Variants in LDB2 observed in about 807,000 individuals in gnomAD.
LDB2 encodes LIM domain-binding protein 2.
LDB2 carries 12 observed loss-of-function variants against 44.3 expected under a neutral mutation model. The ratio of observed to expected loss-of-function variants is 0.27; its 90% CI spans 0.17 to 0.44. LDB2 has a LOEUF of 0.44. Ranked by LOEUF, LDB2 falls within the 20% of genes least tolerant of loss-of-function variation. The probability of loss-of-function intolerance (pLI) is 1.00; values close to 1 mark genes in which losing one functional copy is unlikely to be tolerated. For synonymous variants in LDB2, 164 were observed against 174.8 expected (o/e 0.94, Z 0.49); for missense variants, 344 against 473.5 (o/e 0.73, Z 2.54).
In LDB2 at chr4:16,818,799, G is replaced by C. The variant is rs558600629; in HGVS notation, c.133-59539C>G. On this transcript the variant is annotated intron_variant, in intron 1 of 7. Coordinates refer to ENST00000304523, the MANE Select transcript of LDB2 (RefSeq NM_001290.5). ...AACTGTAGTTTCTTCTTATTGTATA[G>C]GACCATTGATGGGGATAAAGACAGT... 2.0e-5 allele frequency among the ~76,000 whole-genome samples: 3 copies of C among 152,248 alleles called. No homozygotes were observed. In the South Asian group the frequency reaches 6.2e-4, roughly 32 times the overall value.
At chr4:16,674,977 T>C (rs1017724912) in intron 2 of LDB2, among the ~76,000 whole-genome samples, 58 of 152,306 alleles carry the variant, frequency 3.8e-4, no homozygotes, top group South Asian at 1.0e-3. Flanking sequence ...TTTACATACA[T>C]GGAAGCTCTG....
intron 1 of LDB2, among the ~76,000 whole-genome samples, chr4:16,841,589 G>A (rs769295921): frequency 6.6e-6 from 1 of 152,158 alleles, no homozygotes; most frequent in Non-Finnish European, 1.5e-5. Flanking sequence ...TAGAAAAATA[G>A]CAGACACGTT....
chr4:16,896,055 T>C (rs1421076338), intron 1 of LDB2, among the ~76,000 whole-genome samples: 1 of 152,206 alleles, frequency 6.6e-6, no homozygotes, highest in Non-Finnish European at 1.5e-5. Context: ...ATTATTTGAA[T>C]AATTATTTGA....
At chr4:16,539,811 T>G (rs1411045938) in intron 5 of LDB2, among the ~76,000 whole-genome samples, 1 of 152,142 alleles carries the variant, frequency 6.6e-6, no homozygotes, top group Non-Finnish European at 1.5e-5. Context: ...AATATCCATG[T>G]GTTCCCCTAC....
chr4:16,524,775 T>C (rs1036043059), intron 5 of LDB2, among the ~76,000 whole-genome samples: 1 of 152,196 alleles, frequency 6.6e-6, no homozygotes. Flanking sequence ...AGCATTTTGA[T>C]GTGTTTGGTG....
intron 1 of LDB2, among the ~76,000 whole-genome samples, chr4:16,792,856 C>G (rs16894013): frequency 0.097 from 14,829 of 152,126 alleles, 1,838 homozygotes; most frequent in African/African-American, 0.29. Context: ...AGGCACTTTT[C>G]AAAATGTTTT....
rs554211736 is a variant in LDB2 at position 16,874,756 on chromosome 4, G to A, written c.132+23598C>T. Among the ~76,000 whole-genome samples, 8 of 152,290 alleles carry A rather than the reference G, an allele frequency of 5.3e-5. No individual in the cohort carries two copies. The East Asian group carries it at 5.8e-4, about 11-fold the overall frequency. ...CTTGGTGGCACAAAGGTTATACTACGTGGAAAATCGTGGACAACCATGAGT... is the reference window on the plus strand; with the variant it reads ...CTTGGTGGCACAAAGGTTATACTACATGGAAAATCGTGGACAACCATGAGT... On this transcript the variant is annotated intron_variant, in intron 1 of 7. Transcript: ENST00000304523.
intron 1 of LDB2, among the ~76,000 whole-genome samples, chr4:16,765,690 T>C (rs1244621066): frequency 1.3e-5 from 2 of 152,192 alleles, no homozygotes; most frequent in Non-Finnish European, 2.9e-5. Context: ...AGATTCTTTC[T>C]CTAAAAATGT....
At chr4:16,888,155 T>C (rs1282430597) in intron 1 of LDB2, among the ~76,000 whole-genome samples, 2 of 152,210 alleles carry the variant, frequency 1.3e-5, no homozygotes, top group East Asian at 3.9e-4. Context: ...GGGCTGCATA[T>C]TGAGAAGCAT....
chr4:16,511,937 C>T (rs746449007), intron 6 of LDB2, 44 bp downstream of exon 6: 32 of 1,576,886 alleles, frequency 2.0e-5, no homozygotes, highest in Non-Finnish European at 2.6e-5. Flanking sequence ...TGGAAGACAC[C>T]TCTGAAAACG....
At chr4:16,710,104 A>G (rs1376171808) in intron 2 of LDB2, among the ~76,000 whole-genome samples, 2 of 152,344 alleles carry the variant, frequency 1.3e-5, no homozygotes, top group South Asian at 4.1e-4. Flanking sequence ...TTTGGGATAT[A>G]TTCATACATA....
At chr4:16,508,014 T>G (rs1720221280) in intron 7 of LDB2, among the ~76,000 whole-genome samples, 2 of 152,200 alleles carry the variant, frequency 1.3e-5, no homozygotes, top group South Asian at 4.1e-4. Flanking sequence ...CCCCCTTAGC[T>G]AATGCAATGG....
At chr4:16,543,070 A>T (rs1734445581) in intron 5 of LDB2, among the ~76,000 whole-genome samples, 1 of 152,028 alleles carries the variant, frequency 6.6e-6, no homozygotes, top group Admixed American at 6.5e-5. Flanking sequence ...GATGGTTTCC[A>T]GCTTCATCCA....
intron 5 of LDB2, among the ~76,000 whole-genome samples, chr4:16,569,016 T>C (rs750068347): frequency 2.4e-4 from 37 of 152,232 alleles, no homozygotes; most frequent in Admixed American, 5.9e-4. Flanking sequence ...TTTGTGTATA[T>C]GTGTAAATTC....
At chr4:16,583,948 C>T (rs1715755257) in intron 5 of LDB2, among the ~76,000 whole-genome samples, 1 of 152,148 alleles carries the variant, frequency 6.6e-6, no homozygotes, top group Admixed American at 6.5e-5. Context: ...TGAAGCCCAG[C>T]AACTGGAAAA....
At chr4:16,883,966 C>T (rs1370358307) in intron 1 of LDB2, among the ~76,000 whole-genome samples, 1 of 152,102 alleles carries the variant, frequency 6.6e-6, no homozygotes, top group Non-Finnish European at 1.5e-5. Context: ...CTAAAAATAG[C>T]TCAGTCAGCC....
chr4:16,725,791 C>G (rs1344996425), intron 2 of LDB2, among the ~76,000 whole-genome samples: 3 of 151,908 alleles, frequency 2.0e-5, no homozygotes, highest in Admixed American at 2.0e-4. Context: ...GTGACAGTGG[C>G]TGACTCCCTT....
rs1217826412 is a variant in LDB2 at position 16,739,644 on chromosome 4, ACATATGTGTG to A, written c.235+19504_235+19513del. Among the ~76,000 whole-genome samples the A allele has an allele frequency of 2.9e-3, 228 of 78,500 alleles. 22 individuals carry two copies. The highest frequency in any genetic ancestry group is 0.025 in the East Asian group (38 of 1,522). The allele number at this position is 78,500 out of a possible 152,430, so 51.5% of individuals were successfully genotyped here. On this transcript the variant is annotated intron_variant, in intron 2 of 7. Transcript: ENST00000304523. ...CATGTGTGTGTATATATGTATATAT[ACATATGTGTG>A]TATATATGTATATATACATATGTGT...
chr4:16,660,581 AC>A (rs1741299708), intron 2 of LDB2, among the ~76,000 whole-genome samples: 1 of 152,200 alleles, frequency 6.6e-6, no homozygotes, highest in Non-Finnish European at 1.5e-5. Flanking sequence ...CTGTGCGCCT[AC>A]TACATGCCAG....
Sources: gnomAD v4.1 joint callset for allele counts (sites outside exome capture counted in the v4.1 genomes callset) on GRCh38, gnomAD v4.1.1 for gene constraint, MANE v1.5 for transcripts, NCBI Gene and HGNC (gene_info 2026-07-23, HGNC 2026-07-21) for gene names.